PRKG1: variants seen among roughly 807,000 people sequenced by gnomAD.
PRKG1 encodes protein kinase cGMP-dependent 1, also known as cGMP-dependent protein kinase 1.
PRKG1 carries 35 observed loss-of-function variants against 88.1 expected under a neutral mutation model. The ratio of observed to expected loss-of-function variants is 0.40; its 90% CI spans 0.30 to 0.53. The LOEUF (loss-of-function observed/expected upper bound fraction) is 0.53. Ranked by LOEUF, PRKG1 falls within the 20% of genes least tolerant of loss-of-function variation. The probability of loss-of-function intolerance (pLI) is 0.59; values close to 1 mark genes in which losing one functional copy is unlikely to be tolerated. For synonymous variants in PRKG1, 303 were observed against 292.5 expected (o/e 1.04, Z -0.37); for missense variants, 540 against 839.8 (o/e 0.64, Z 4.41).
upstream of PRKG1, among the ~76,000 whole-genome samples, chr10:51,072,282 C>G (rs185812352): frequency 7.9e-4 from 121 of 152,224 alleles, 1 homozygote; most frequent in African/African-American, 2.9e-3. Flanking sequence ...TAATTATGTC[C>G]TCTATACATT....
At chr10:51,573,138 A>G (rs1319526002) in intron 3 of PRKG1, among the ~76,000 whole-genome samples, 2 of 151,830 alleles carry the variant, frequency 1.3e-5, no homozygotes, top group African/African-American at 4.8e-5. Flanking sequence ...TTTTGATTGA[A>G]ATGAGTCAAT....
chr10:51,000,872 G>C (rs534932005), intron 1 of PRKG1, among the ~76,000 whole-genome samples: 2 of 152,236 alleles, frequency 1.3e-5, no homozygotes, highest in East Asian at 1.9e-4. Context: ...TTGTTCTCCT[G>C]TTTGTGTTTT....
intron 3 of PRKG1, among the ~76,000 whole-genome samples, chr10:51,566,194 C>T (rs1277343533): frequency 6.6e-6 from 1 of 151,954 alleles, no homozygotes; most frequent in Non-Finnish European, 1.5e-5. Context: ...ATTTCTCTCT[C>T]CAGGGATAAG....
At chr10:51,865,990 G>A (rs7073949) in intron 4 of PRKG1, among the ~76,000 whole-genome samples, 12,278 of 151,768 alleles carry the variant, frequency 0.081, 589 homozygotes, top group Middle Eastern at 0.12. Context: ...ATTCTCAGTC[G>A]TATGTATCAT....
At chr10:51,535,060 G>A (rs545398936) in intron 3 of PRKG1, among the ~76,000 whole-genome samples, 4 of 152,304 alleles carry the variant, frequency 2.6e-5, no homozygotes, top group Admixed American at 1.3e-4. Context: ...TTTGGGAAAG[G>A]ATAGGGGTAC....
intron 9 of PRKG1, among the ~76,000 whole-genome samples, chr10:52,224,337 T>A (rs568105078): frequency 6.6e-6 from 1 of 152,278 alleles, no homozygotes; most frequent in Non-Finnish European, 1.5e-5. Context: ...CAGGGCTCAC[T>A]CGTCCATCTC....
intron 12 of PRKG1, among the ~76,000 whole-genome samples, chr10:52,273,105 G>T (rs192930447): frequency 6.6e-6 from 1 of 151,962 alleles, no homozygotes; most frequent in East Asian, 1.9e-4. Context: ...TTGTCTACAT[G>T]GTGCTTGTTT....
chr10:51,695,614 A>G (rs2132400870), intron 3 of PRKG1: 1 of 152,334 alleles, frequency 6.6e-6, no homozygotes, highest in South Asian at 2.1e-4. Flanking sequence ...GAATCTCAAA[A>G]TGATCGAGCC....
intron 3 of PRKG1, among the ~76,000 whole-genome samples, chr10:51,509,868 A>G (rs1841339611): frequency 6.6e-6 from 1 of 152,192 alleles, no homozygotes; most frequent in South Asian, 2.1e-4. Context: ...TTTGAAATAT[A>G]ACAAGATGCT....
chr10:51,971,033 T>A (rs1018512597), intron 5 of PRKG1, among the ~76,000 whole-genome samples: 3 of 151,710 alleles, frequency 2.0e-5, no homozygotes, highest in African/African-American at 7.2e-5. Flanking sequence ...AATAAGCTAA[T>A]GCTACATGCA....
At chr10:51,865,377 A>C (rs1240974436) in intron 4 of PRKG1, among the ~76,000 whole-genome samples, 1 of 151,874 alleles carries the variant, frequency 6.6e-6, no homozygotes, top group Non-Finnish European at 1.5e-5. Flanking sequence ...ACAAGGCATT[A>C]ATAAACTTTT....
chr10:51,915,125 C>A (rs917036569), intron 5 of PRKG1, among the ~76,000 whole-genome samples: 6 of 152,140 alleles, frequency 3.9e-5, no homozygotes, highest in Non-Finnish European at 8.8e-5. Flanking sequence ...GTTTTACTGT[C>A]CTGTGTTGAC....
At chr10:51,203,468 C>T (rs943950775) in intron 2 of PRKG1, among the ~76,000 whole-genome samples, 1 of 152,074 alleles carries the variant, frequency 6.6e-6, no homozygotes, top group Admixed American at 6.5e-5. Context: ...GAGACCCATT[C>T]AGACTATTTT....
At chr10:51,778,809 G>A (rs992740739) in intron 3 of PRKG1, among the ~76,000 whole-genome samples, 3 of 152,070 alleles carry the variant, frequency 2.0e-5, no homozygotes, top group South Asian at 4.1e-4. Flanking sequence ...CTTGTTCTTG[G>A]GATAGTGATG....
rs75316552 is a variant in PRKG1, at chr10:51,093,593, A to T, written c.311+18692A>T. Among the ~76,000 whole-genome samples the T allele has an allele frequency of 4.1e-3, 623 of 150,616 alleles. 3 individuals are homozygous for T. The highest frequency in any genetic ancestry group is 0.014 in the African/African-American group (584 of 41,068). On this transcript the variant is annotated intron_variant, in intron 1 of 17. Coordinates refer to ENST00000373980, the MANE Select transcript of PRKG1 (RefSeq NM_006258.4). ...AGGTCTAATATTCTTTTGGTTTTTAATGTCAACTCTTGTTTTTTTAATTAT... is the reference window on the plus strand; with the variant it reads ...AGGTCTAATATTCTTTTGGTTTTTATTGTCAACTCTTGTTTTTTTAATTAT...
At chr10:51,602,474 C>A (rs563808833) in intron 3 of PRKG1, among the ~76,000 whole-genome samples, 117 of 151,894 alleles carry the variant, frequency 7.7e-4, no homozygotes, top group African/African-American at 2.6e-3. Flanking sequence ...GAGATGGGAT[C>A]TCACTCTGTC....
At chr10:51,638,248 A>G (rs1259090459) in intron 3 of PRKG1, among the ~76,000 whole-genome samples, 1 of 152,176 alleles carries the variant, frequency 6.6e-6, no homozygotes, top group East Asian at 1.9e-4. Flanking sequence ...TTAGATAAGT[A>G]TACTCCATTT....
intron 5 of PRKG1, among the ~76,000 whole-genome samples, chr10:51,958,967 A>T (rs1374008421): frequency 6.6e-6 from 1 of 152,162 alleles, no homozygotes; most frequent in African/African-American, 2.4e-5. Flanking sequence ...TACTGTAGTC[A>T]GTGCTTTATG....
chr10:51,186,786 A>AT (rs1177858046), intron 2 of PRKG1, among the ~76,000 whole-genome samples: 1 of 151,334 alleles, frequency 6.6e-6, no homozygotes, highest in East Asian at 1.9e-4. Context: ...TTCAGGGAGA[A>AT]TTTTCACCTT....
Sources: gnomAD v4.1 joint callset for allele counts (sites outside exome capture counted in the v4.1 genomes callset) on GRCh38, gnomAD v4.1.1 for gene constraint, MANE v1.5 for transcripts, NCBI Gene and HGNC (gene_info 2026-07-23, HGNC 2026-07-21) for gene names.